CPA6: variants seen among roughly 807,000 people sequenced by gnomAD.
The protein encoded by CPA6 is carboxypeptidase B.
In CPA6, 58 loss-of-function variants were observed where a neutral mutation model predicts 63.3. The observed-to-expected ratio is 0.92, with a 90% CI of 0.74 to 1.14. The LOEUF (loss-of-function observed/expected upper bound fraction) is 1.14, where lower values mean the gene tolerates loss of function less well. Ranked by LOEUF, CPA6 falls within the 50% of genes most tolerant of loss-of-function variation. The pLI is 0.00. For synonymous variants in CPA6, 185 were observed against 179.0 expected (o/e 1.03, Z -0.27); for missense variants, 565 against 526.6 (o/e 1.07, Z -0.71).
At chr8:67,480,100 G>A (rs1811326385) in intron 8 of CPA6, among the ~76,000 whole-genome samples, 2 of 152,058 alleles carry the variant, frequency 1.3e-5, no homozygotes, top group Admixed American at 6.5e-5. Flanking sequence ...TATAATATTA[G>A]GTAACTGAGT....
At chr8:67,735,835 C>CTGT (rs2129003612) in intron 1 of CPA6, among the ~76,000 whole-genome samples, 1 of 152,254 alleles carries the variant, frequency 6.6e-6, no homozygotes, top group South Asian at 2.1e-4. Context: ...CATGAGCATG[C>CTGT]TGTTACCTTT....
chr8:67,640,630 C>T (rs1015453970), intron 1 of CPA6, among the ~76,000 whole-genome samples: 2 of 151,262 alleles, frequency 1.3e-5, no homozygotes, highest in Non-Finnish European at 2.9e-5. Flanking sequence ...CTCCCAGGAG[C>T]GCAGGGGTGC....
At chr8:67,739,281 T>G (rs1271194381) in intron 1 of CPA6, among the ~76,000 whole-genome samples, 5 of 152,240 alleles carry the variant, frequency 3.3e-5, no homozygotes, top group African/African-American at 4.8e-5. Context: ...CAGAACATAC[T>G]GCAGGGAAGA....
intron 6 of CPA6, among the ~76,000 whole-genome samples, chr8:67,500,802 A>G (rs1016774672): frequency 6.6e-6 from 1 of 151,344 alleles, no homozygotes; most frequent in Admixed American, 6.6e-5. Flanking sequence ...TTGCTCCAGC[A>G]CCATTTGTTG....
At chr8:67,468,641 A>T (rs1810985536) in intron 8 of CPA6, among the ~76,000 whole-genome samples, 1 of 149,802 alleles carries the variant, frequency 6.7e-6, no homozygotes, top group African/African-American at 2.5e-5. Flanking sequence ...ATAATAAGAA[A>T]AAGAAATTCA....
intron 2 of CPA6, among the ~76,000 whole-genome samples, chr8:67,622,530 T>TGCTTGA (rs1346283640): frequency 6.6e-6 from 1 of 152,188 alleles, no homozygotes; most frequent in Non-Finnish European, 1.5e-5. Flanking sequence ...TGAGACACCA[T>TGCTTGA]GCTTGAACTC....
chr8:67,459,331 T>C (rs1157988418), intron 8 of CPA6, among the ~76,000 whole-genome samples: 1 of 152,140 alleles, frequency 6.6e-6, no homozygotes, highest in Non-Finnish European at 1.5e-5. Flanking sequence ...GCCAACAGCT[T>C]TCTTTATAAT....
intron 1 of CPA6, among the ~76,000 whole-genome samples, chr8:67,681,643 G>A (rs1379539528): frequency 6.6e-6 from 1 of 152,110 alleles, no homozygotes; most frequent in Non-Finnish European, 1.5e-5. Flanking sequence ...CAGATATTCA[G>A]CACCATTTGT....
At chr8:67,530,279 G>T (rs141758811) in intron 2 of CPA6, among the ~76,000 whole-genome samples, 54 of 149,480 alleles carry the variant, frequency 3.6e-4, no homozygotes, top group African/African-American at 1.3e-3. Context: ...CATACAGATA[G>T]AACAGAAAAA....
chr8:67,742,711 C>A (rs2129004533), intron 1 of CPA6, among the ~76,000 whole-genome samples: 1 of 152,228 alleles, frequency 6.6e-6, no homozygotes, highest in East Asian at 1.9e-4. Flanking sequence ...ATAAGGAAAC[C>A]TCAGTTTAAG....
At chr8:67,704,590 G>C (rs1426729297) in intron 1 of CPA6, among the ~76,000 whole-genome samples, 1 of 152,166 alleles carries the variant, frequency 6.6e-6, no homozygotes, top group Non-Finnish European at 1.5e-5. Context: ...AAGGTTAGGG[G>C]TACCTGGTAA....
intron 2 of CPA6, among the ~76,000 whole-genome samples, chr8:67,540,695 C>T (rs986286111): frequency 2.0e-5 from 3 of 152,362 alleles, no homozygotes; most frequent in African/African-American, 7.2e-5. Context: ...TTCAGAGATG[C>T]CCTGCCCAGA....
At chr8:67,516,063 G>A (rs965156945) in intron 3 of CPA6, among the ~76,000 whole-genome samples, 7 of 152,042 alleles carry the variant, frequency 4.6e-5, no homozygotes, top group South Asian at 2.1e-4. Context: ...CAACTTTCTC[G>A]CCACCCTGAC....
rs185441584 is a variant in CPA6, at chr8:67,433,863, T to G, written c.1041+175A>C. On this transcript the variant is annotated intron_variant, in intron 9 of 10. Coordinates refer to ENST00000297770, the MANE Select transcript of CPA6 (RefSeq NM_020361.5). Reference sequence around the variant, plus strand: ...AGCTTCTTTACCTGTAAAGTGGGGATAATAAAAGCTGCCTCATATGATTGT... The same window carrying G: ...AGCTTCTTTACCTGTAAAGTGGGGAGAATAAAAGCTGCCTCATATGATTGT... 3.9e-5 allele frequency among the ~76,000 whole-genome samples: 6 copies of G among 152,304 alleles called. No homozygotes were observed. In the East Asian group the frequency reaches 1.2e-3, roughly 29 times the overall value.
intron 8 of CPA6, among the ~76,000 whole-genome samples, chr8:67,459,495 A>C (rs1279068466): frequency 6.6e-6 from 1 of 152,220 alleles, no homozygotes; most frequent in Non-Finnish European, 1.5e-5. Flanking sequence ...GTGTGTTACT[A>C]AGTGAAAGAA....
At chr8:67,478,640 G>A (rs1301085082) in intron 8 of CPA6, among the ~76,000 whole-genome samples, 1 of 152,234 alleles carries the variant, frequency 6.6e-6, no homozygotes, top group Non-Finnish European at 1.5e-5. Flanking sequence ...TCTGGTGTCA[G>A]AAGTGTTGTA....
At chr8:67,722,438 G>C (rs1405383745) in intron 1 of CPA6, among the ~76,000 whole-genome samples, 3 of 152,180 alleles carry the variant, frequency 2.0e-5, no homozygotes, top group Non-Finnish European at 4.4e-5. Flanking sequence ...AAAAAAATCA[G>C]CTTTGAGAGC....
intron 2 of CPA6, among the ~76,000 whole-genome samples, chr8:67,617,766 C>T (rs971569176): frequency 1.3e-5 from 2 of 152,158 alleles, no homozygotes; most frequent in Non-Finnish European, 2.9e-5. Flanking sequence ...GTCAGTTGGG[C>T]TGTAGTTTCA....
intron 1 of CPA6, among the ~76,000 whole-genome samples, chr8:67,667,610 G>T (rs990363839): frequency 2.6e-5 from 4 of 152,166 alleles, no homozygotes; most frequent in Non-Finnish European, 4.4e-5. Flanking sequence ...GATCGGCAAG[G>T]TTAGGTGACA....
Sources: gnomAD v4.1 joint callset for allele counts (sites outside exome capture counted in the v4.1 genomes callset) on GRCh38, gnomAD v4.1.1 for gene constraint, MANE v1.5 for transcripts, NCBI Gene and HGNC (gene_info 2026-07-23, HGNC 2026-07-21) for gene names.